The following PIGN variants were observed in gnomAD, a reference collection of about 807,000 sequenced individuals.
The protein encoded by PIGN is phosphatidylinositol glycan anchor biosynthesis class N.
A neutral mutation model predicts 125.4 loss-of-function variants in PIGN; 117 were observed. The observed-to-expected ratio is 0.93, with a 90% CI of 0.80 to 1.09. PIGN has a LOEUF of 1.09. PIGN is among the 50% of genes least tolerant of loss of function. The pLI, the probability that PIGN is intolerant of heterozygous loss-of-function variation, is 0.00. For synonymous variants in PIGN, 392 were observed against 377.8 expected (o/e 1.04, Z -0.44); for missense variants, 1,075 against 1,094.9 (o/e 0.98, Z 0.26).
At chr18:62,109,563 A>G (rs539551461) in intron 17 of PIGN, among the ~76,000 whole-genome samples, 56 of 152,050 alleles carry the variant, frequency 3.7e-4, no homozygotes, top group Non-Finnish European at 7.1e-4. Flanking sequence ...CTTTTATTCC[A>G]TTTTTTTTCT....
chr18:62,019,195 G>C (rs990145154), intron 23 of PIGN, among the ~76,000 whole-genome samples: 1 of 152,100 alleles, frequency 6.6e-6, no homozygotes, highest in Non-Finnish European at 1.5e-5. Context: ...ACAAAAAAAA[G>C]CAAAGCAAAA....
At chr18:62,071,891 T>C (rs1199237693) in intron 30 of PIGN, among the ~76,000 whole-genome samples, 1 of 126,680 alleles carries the variant, frequency 7.9e-6, no homozygotes, top group Non-Finnish European at 1.7e-5. Context: ...TATATATATA[T>C]ATATATATAT....
At chr18:62,036,623 C>T (rs926807673), downstream of PIGN, among the ~76,000 whole-genome samples, 2 of 152,194 alleles carry the variant, frequency 1.3e-5, no homozygotes, top group Non-Finnish European at 2.9e-5. Flanking sequence ...GGCTACAAAG[C>T]TGTCCACAGG....
chr18:62,056,110 CAG>C (rs2031709934), intron 30 of PIGN, among the ~76,000 whole-genome samples: 1 of 142,362 alleles, frequency 7.0e-6, no homozygotes, highest in African/African-American at 2.6e-5. Flanking sequence ...CTAATAAGAT[CAG>C]ACTCTCCCAA....
chr18:62,148,120 CTGT>C (rs1225065125), intron 8 of PIGN, 91 bp downstream of exon 8: 3 of 938,118 alleles, frequency 3.2e-6, no homozygotes, highest in Non-Finnish European at 4.6e-6. Flanking sequence ...AATATTAGCT[CTGT>C]TGTTATAATT....
At chr18:62,105,478 T>C (rs910724978) in intron 20 of PIGN, 65 bp downstream of exon 20, 2 of 891,678 alleles carry the variant, frequency 2.2e-6, no homozygotes, top group Admixed American at 4.4e-5. Flanking sequence ...GGTTCAAATT[T>C]TACAGTGTTA....
intron 27 of PIGN, among the ~76,000 whole-genome samples, chr18:62,083,209 TA>T (rs1156793881): frequency 6.6e-6 from 1 of 151,962 alleles, no homozygotes; most frequent in Admixed American, 6.6e-5. Flanking sequence ...TTGCCTTTTT[TA>T]AAAAAATACA....
chr18:62,072,819 G>T lies in PIGN; in HGVS notation c.2620-94C>A, dbSNP rs1431624239. On this transcript the variant is annotated intron_variant, in intron 29 of 30. Coordinates refer to ENST00000640252, the MANE Select transcript of PIGN (RefSeq NM_176787.5). Reference sequence around the variant, plus strand: ...TTAGGACTGTATGTTTCAGATTTCTGACTCTAAGAATCACTATCTGACTGT... The same window carrying T: ...TTAGGACTGTATGTTTCAGATTTCTTACTCTAAGAATCACTATCTGACTGT... 4.6e-6 allele frequency: 4 copies of T among 872,172 alleles called. No homozygotes were observed. In the African/African-American group the frequency reaches 6.9e-5, roughly 15 times the overall value. The allele number at this position is 872,172 out of a possible 1,614,324, so 54.0% of individuals were successfully genotyped here.
At position 62,046,000 on chromosome 18, in the gene PIGN, G is replaced by C. The variant is rs373398677; in HGVS notation, c.2673-21C>G. On this transcript the variant is annotated intron_variant, in intron 30 of 30. Transcript: ENST00000640252. Reference sequence around the variant, plus strand: ...TGATGCTGCAAAAGGAGAAAAAGATGTTACAGGCAGAGAGAACACAGGTGA... The same window carrying C: ...TGATGCTGCAAAAGGAGAAAAAGATCTTACAGGCAGAGAGAACACAGGTGA... 5 of 1,607,000 alleles carry C rather than the reference G, an allele frequency of 3.1e-6. No individual in the cohort carries two copies. The African/African-American group carries it at 6.7e-5, about 21-fold the overall frequency.
At chr18:62,055,419 A>C (rs2031643866) in intron 30 of PIGN, among the ~76,000 whole-genome samples, 1 of 152,212 alleles carries the variant, frequency 6.6e-6, no homozygotes, top group South Asian at 2.1e-4. Context: ...TATATGATTT[A>C]CTTTGTATCA....
intron 13 of PIGN, 96 bp downstream of exon 13, chr18:62,138,887 T>C: frequency 1.5e-6 from 1 of 668,052 alleles, no homozygotes; most frequent in East Asian, 2.8e-5. Context: ...AGGGAAATAG[T>C]TAAAAACAAA....
rs557200519 is a variant in PIGN, at chr18:62,055,851, A to G, written c.2673-9872T>C. Among the ~76,000 whole-genome samples, 224 of 151,972 alleles carry G rather than the reference A, an allele frequency of 1.5e-3. 1 individual carries two copies. Among genetic ancestry groups the G allele is most frequent in the African/African-American group, 5.1e-3 (213 of 41,496 alleles). ...TGTGAGCTCTGTGGAAGCAGGGACT[A>G]TAATTTTTATCTCTTTTCCCATTGC... On this transcript the variant is annotated intron_variant, in intron 30 of 30. Coordinates refer to ENST00000640252, the MANE Select transcript of PIGN (RefSeq NM_176787.5).
chr18:62,157,964 C>T (rs2036802256), intron 4 of PIGN, 156 bp from the exon 5 acceptor site: 1 of 617,634 alleles, frequency 1.6e-6, no homozygotes, highest in Non-Finnish European at 2.7e-6. Flanking sequence ...CCAGGTGAGC[C>T]CATTCCTAGC....
intron 1 of PIGN, among the ~76,000 whole-genome samples, chr18:62,168,815 TGTAATCC>T (rs1370509537): frequency 6.6e-6 from 1 of 151,964 alleles, no homozygotes; most frequent in Non-Finnish European, 1.5e-5. Flanking sequence ...TATGAGTCTT[TGTAATCC>T]AACATTACCC....
chr18:62,040,389 A>G (rs2030338010), downstream of PIGN, among the ~76,000 whole-genome samples: 1 of 152,168 alleles, frequency 6.6e-6, no homozygotes, highest in Non-Finnish European at 1.5e-5. Flanking sequence ...CTCGTTTTTG[A>G]TGACCTTGGT....
intron 8 of PIGN, among the ~76,000 whole-genome samples, chr18:62,147,485 T>C (rs999655158): frequency 6.6e-6 from 1 of 152,208 alleles, no homozygotes; most frequent in Non-Finnish European, 1.5e-5. Context: ...GCTTTTGATA[T>C]AAAATATAAT....
chr18:62,101,792 C>T (rs887103589), intron 21 of PIGN, among the ~76,000 whole-genome samples: 2 of 152,006 alleles, frequency 1.3e-5, no homozygotes, highest in African/African-American at 4.8e-5. Flanking sequence ...GTGGTCTAGA[C>T]GTGGTTATTT....
At chr18:62,079,655 T>C (rs1419380801) in intron 28 of PIGN, among the ~76,000 whole-genome samples, 6 of 150,146 alleles carry the variant, frequency 4.0e-5, no homozygotes. Flanking sequence ...ATCTTGACAA[T>C]AACCAGATCT....
chr18:62,025,023 G>A (rs181201617), intron 23 of PIGN, among the ~76,000 whole-genome samples: 323 of 152,282 alleles, frequency 2.1e-3, no homozygotes, highest in Middle Eastern at 3.4e-3. Flanking sequence ...ACATTGATCT[G>A]TGTCTATAAT....
Sources: gnomAD v4.1 joint callset for allele counts (sites outside exome capture counted in the v4.1 genomes callset) on GRCh38, gnomAD v4.1.1 for gene constraint, MANE v1.5 for transcripts, NCBI Gene and HGNC (gene_info 2026-07-23, HGNC 2026-07-21) for gene names.